The following OXNAD1 variants were observed in gnomAD, a reference collection of about 807,000 sequenced individuals.
The protein encoded by OXNAD1 is oxidoreductase NAD-binding domain-containing protein 1.
A neutral mutation model predicts 32.9 loss-of-function variants in OXNAD1; 34 were observed. The observed-to-expected ratio is 1.03, with a 90% CI of 0.79 to 1.38. OXNAD1 has a LOEUF of 1.38. OXNAD1 is among the 40% of genes most tolerant of loss of function. The pLI is 0.00. For missense variants in OXNAD1, 407 were observed against 379.4 expected, an observed-to-expected ratio of 1.07 and a Z score of -0.60; for synonymous variants, 134 against 135.2, an observed-to-expected ratio of 0.99 and a Z score of 0.06.
At chr3:16,306,374 C>G (rs539592022), downstream of OXNAD1, among the ~76,000 whole-genome samples, 1 of 152,114 alleles carries the variant, frequency 6.6e-6, no homozygotes, top group Non-Finnish European at 1.5e-5. Flanking sequence ...TATCGTGTCA[C>G]TTCTAAATTC....
chr3:16,326,592 T>A (rs954841145), intron 9 of OXNAD1, among the ~76,000 whole-genome samples: 1 of 152,170 alleles, frequency 6.6e-6, no homozygotes. Flanking sequence ...GGGAGTTCTC[T>A]GGGTGACGGT....
chr3:16,286,508 G>A, intron 5 of OXNAD1, 60 bp downstream of exon 5: 2 of 1,400,662 alleles, frequency 1.4e-6, no homozygotes, highest in Non-Finnish European at 2.0e-6. Flanking sequence ...CAGATAGAAG[G>A]TATTATTTTT....
Position 16,321,141 on chromosome 3 carries a change from T to TG in OXNAD1, c.*31-15969dup, listed in dbSNP as rs1387554821. 3.3e-5 allele frequency among the ~76,000 whole-genome samples: 5 copies of TG among 151,622 alleles called. No individual in the cohort carries two copies. Among genetic ancestry groups the TG allele is most frequent in the Middle Eastern group, 3.5e-3 (1 of 288 alleles). On this transcript the variant is annotated intron_variant, in intron 9 of 9. Coordinates refer to the OXNAD1 transcript ENST00000435829. This position sits in a 1 kb window ranked among gnomAD's most constrained non-coding sequence, Gnocchi z 4.8. ...TGCAATGCCATTCCTCTAGATAGGG[T>TG]GGCGGTTGGCCAGGTGGGCGAGGTA... is the stretch of plus-strand genomic sequence containing the variant.
Position 16,320,731 on chromosome 3 carries a change from G to A in OXNAD1, c.*31-16381G>A, listed in dbSNP as rs1017982647. On this transcript the variant is annotated intron_variant, in intron 9 of 9. Transcript: ENST00000435829. The surrounding 1 kb of genome is among the most constrained non-coding windows in gnomAD (Gnocchi z 4.5). ...AGAATGTCCTTGGCAGAGGGGACAC[G>A]GAAGAACTGGAGGCCACAGAGGAGC... is the stretch of plus-strand genomic sequence containing the variant. 2.0e-5 allele frequency among the ~76,000 whole-genome samples: 3 copies of A among 152,226 alleles called. No individual in the cohort carries two copies. Among genetic ancestry groups the A allele is most frequent in the Non-Finnish European group, 4.4e-5 (3 of 68,038 alleles).
downstream of OXNAD1, among the ~76,000 whole-genome samples, chr3:16,308,374 G>A (rs547426331): frequency 1.3e-4 from 20 of 152,206 alleles, no homozygotes; most frequent in South Asian, 4.1e-3. The surrounding 1 kb of genome is among the most constrained non-coding windows in gnomAD (Gnocchi z 4.4). Context: ...TAGGAGGATT[G>A]TTATATGGGA....
intron 4 of OXNAD1, chr3:16,276,749 C>T (rs1329372550): frequency 6.6e-6 from 1 of 151,952 alleles, no homozygotes. Flanking sequence ...ATTATTGGGA[C>T]TTTTGGGGGT....
intron 6 of OXNAD1, among the ~76,000 whole-genome samples, chr3:16,295,501 A>C (rs1166896429): frequency 6.6e-6 from 1 of 152,162 alleles, no homozygotes; most frequent in East Asian, 1.9e-4. Flanking sequence ...GAGAGAATCC[A>C]ATTTGATTGC....
rs116560139 is a variant in OXNAD1 at position 16,319,244 on chromosome 3, G to A, written c.*30+15652G>A. On this transcript the variant is annotated intron_variant, in intron 9 of 9. Coordinates refer to the OXNAD1 transcript ENST00000435829. ...GCCTACCTGTGTAGTATAGTACTCCGAGAGGCAGTTGGCTCTCAGGGAAGT... is the reference window on the plus strand; with the variant it reads ...GCCTACCTGTGTAGTATAGTACTCCAAGAGGCAGTTGGCTCTCAGGGAAGT... Among the ~76,000 whole-genome samples the A allele has an allele frequency of 6.5e-3, 996 of 152,238 alleles. 7 individuals are homozygous for A. The highest frequency in any genetic ancestry group is 0.027 in the Middle Eastern group (8 of 294).
Position 16,280,917 on chromosome 3 carries a change from C to T in OXNAD1, c.184-5425C>T, listed in dbSNP as rs2065693497. 6.6e-6 allele frequency among the ~76,000 whole-genome samples: 1 copy of T among 152,192 alleles called. No individual in the cohort carries two copies. The highest frequency in any genetic ancestry group is 2.1e-4 in the South Asian group (1 of 4,828). On this transcript the variant is annotated intron_variant, in intron 4 of 8. Coordinates refer to ENST00000285083, the MANE Select transcript of OXNAD1 (RefSeq NM_138381.5). This position sits in a 1 kb window ranked among gnomAD's most constrained non-coding sequence, Gnocchi z 4.5. ...ATAAATGTTGTTTTATGGAAAACTTCATTTCCTGCCATGTGTTTTAACTTA... is the reference window on the plus strand; with the variant it reads ...ATAAATGTTGTTTTATGGAAAACTTTATTTCCTGCCATGTGTTTTAACTTA...
Position 16,271,039 on chromosome 3 carries a change from A to C in OXNAD1, c.87A>C (p.Thr29=). 6.2e-7 allele frequency: 1 copy of C among 1,614,114 alleles called. No homozygotes were observed. Among genetic ancestry groups the C allele is most frequent in the East Asian group, 2.2e-5 (1 of 44,882 alleles). ...IRIEAASLRL[T]LSTLRHLTLT... ...TTGAGGCTGCGTCACTGAGATTGACACTCAGCACTTTGCGCCACCTTACTC... is the reference window on the plus strand; with the variant it reads ...TTGAGGCTGCGTCACTGAGATTGACCCTCAGCACTTTGCGCCACCTTACTC... Residue 29 remains threonine (T), a synonymous_variant, in exon 3 of 9, where the codon ACA becomes ACC. Coordinates refer to ENST00000285083, the MANE Select transcript of OXNAD1 (RefSeq NM_138381.5). The surrounding 1 kb of genome is among the most constrained non-coding windows in gnomAD (Gnocchi z 4.6).
Position 16,317,040 on chromosome 3 carries a change from T to G in OXNAD1, c.*30+13448T>G, listed in dbSNP as rs2068474884. ...CCCTTGTCCTCTTGGACAGGGCCCTTCATCTCCTCGGAGACTCCACCCTCC... is the reference window on the plus strand; with the variant it reads ...CCCTTGTCCTCTTGGACAGGGCCCTGCATCTCCTCGGAGACTCCACCCTCC... On this transcript the variant is annotated intron_variant, in intron 9 of 9. Transcript: ENST00000435829. The surrounding 1 kb of genome is among the most constrained non-coding windows in gnomAD (Gnocchi z 4.3). 4 of 1,613,754 alleles carry G rather than the reference T, an allele frequency of 2.5e-6. No homozygotes were observed. Among genetic ancestry groups the G allele is most frequent in the Non-Finnish European group, 3.4e-6 (4 of 1,179,924 alleles).
Position 16,277,221 on chromosome 3 carries a change from C to T in OXNAD1, c.183+5499C>T, listed in dbSNP as rs1320930641. On this transcript the variant is annotated intron_variant, in intron 4 of 8. Coordinates refer to ENST00000285083, the MANE Select transcript of OXNAD1 (RefSeq NM_138381.5). The surrounding 1 kb of genome is among the most constrained non-coding windows in gnomAD (Gnocchi z 4.3). Reference sequence around the variant, plus strand: ...GGATTACAGGCATGAGCCACAGCTCCTGGCCCTCCTCTTCTGTTTCTAATT... The same window carrying T: ...GGATTACAGGCATGAGCCACAGCTCTTGGCCCTCCTCTTCTGTTTCTAATT... 6.6e-6 allele frequency among the ~76,000 whole-genome samples: 1 copy of T among 152,150 alleles called. No individual in the cohort carries two copies. The highest frequency in any genetic ancestry group is 2.4e-5 in the African/African-American group (1 of 41,436).
chr3:16,321,102 G>A lies in OXNAD1; in HGVS notation c.*31-16010G>A, dbSNP rs916628619. Among the ~76,000 whole-genome samples, 1 of 152,122 alleles carries A rather than the reference G, an allele frequency of 6.6e-6. No homozygotes were observed. Among genetic ancestry groups the A allele is most frequent in the Admixed American group, 6.5e-5 (1 of 15,270 alleles). On this transcript the variant is annotated intron_variant, in intron 9 of 9. Coordinates refer to the OXNAD1 transcript ENST00000435829. The surrounding 1 kb of genome is among the most constrained non-coding windows in gnomAD (Gnocchi z 4.8). Reference sequence around the variant, plus strand: ...GGAAGGAGAGGGGAGGGTCAGCAGGGATAGCCCCTAAGGTGCAATGCCATT... The same window carrying A: ...GGAAGGAGAGGGGAGGGTCAGCAGGAATAGCCCCTAAGGTGCAATGCCATT...
rs1192602111 is a variant in OXNAD1, at chr3:16,326,852, C to T, written c.*31-10260C>T. ...GCCGCCAGCGAGTTCAGCAGGGGCA[C>T]GTAGTCTGTCTGCACTTCGACACCC... On this transcript the variant is annotated intron_variant, in intron 9 of 9. Coordinates refer to the OXNAD1 transcript ENST00000435829. 7 of 1,614,002 alleles carry T rather than the reference C, an allele frequency of 4.3e-6. No individual in the cohort carries two copies. Among genetic ancestry groups the T allele is most frequent in the South Asian group, 2.2e-5 (2 of 91,058 alleles).
In OXNAD1 at chr3:16,322,662, C is replaced by G. The variant is rs757929709; in HGVS notation, c.*31-14450C>G. Among the ~76,000 whole-genome samples the G allele has an allele frequency of 9.2e-5, 14 of 152,250 alleles. No homozygotes were observed. The highest frequency in any genetic ancestry group is 4.6e-4 in the Admixed American group (7 of 15,288). On this transcript the variant is annotated intron_variant, in intron 9 of 9. Coordinates refer to the OXNAD1 transcript ENST00000435829. The surrounding 1 kb of genome is among the most constrained non-coding windows in gnomAD (Gnocchi z 6.2). ...GTGGGGTGGGAAGCATCAGAATCAT[C>G]TGGCACAAGGGTTGCCGACACTTGC...
chr3:16,336,379 G>A lies in OXNAD1; in HGVS notation c.*31-733G>A, dbSNP rs1285145914. Among the ~76,000 whole-genome samples the A allele has an allele frequency of 6.6e-6, 1 of 152,188 alleles. No homozygotes were observed. Among genetic ancestry groups the A allele is most frequent in the African/African-American group, 2.4e-5 (1 of 41,456 alleles). On this transcript the variant is annotated intron_variant, in intron 9 of 9. Transcript: ENST00000435829. This position sits in a 1 kb window ranked among gnomAD's most constrained non-coding sequence, Gnocchi z 6.0. ...CCAGTGGAGCCCATGGAGGTGAGGTGGAGGGAGGGAGAAGGGAAGGGGCGA... is the reference window on the plus strand; with the variant it reads ...CCAGTGGAGCCCATGGAGGTGAGGTAGAGGGAGGGAGAAGGGAAGGGGCGA...
chr3:16,283,860 A>G (rs1258377901), intron 4 of OXNAD1, among the ~76,000 whole-genome samples: 1 of 151,836 alleles, frequency 6.6e-6, no homozygotes. Context: ...ATCAGTGTGG[A>G]AAATACCAAA....
At position 16,344,936 on chromosome 3, in the gene OXNAD1, C is replaced by T. The variant is rs1165991226; in HGVS notation, c.*31-4240C>T. Reference sequence around the variant, plus strand: ...CAGTTCTCTCTGGAGAACCATTTGCCCTCTCTTCATCTGTGGCTCTCAAAC... The same window carrying T: ...CAGTTCTCTCTGGAGAACCATTTGCTCTCTCTTCATCTGTGGCTCTCAAAC... On this transcript the variant is annotated intron_variant, in intron 9 of 9. Coordinates refer to the OXNAD1 transcript ENST00000606098. The surrounding 1 kb of genome is among the most constrained non-coding windows in gnomAD (Gnocchi z 4.4). Among the ~76,000 whole-genome samples, 2 of 152,122 alleles carry T rather than the reference C, an allele frequency of 1.3e-5. No individual in the cohort carries two copies. Among genetic ancestry groups the T allele is most frequent in the South Asian group, 2.1e-4 (1 of 4,826 alleles).
chr3:16,265,231 C>G lies in OXNAD1; in HGVS notation c.-433C>G, dbSNP rs2064401541. 7.4e-6 allele frequency: 2 copies of G among 272,104 alleles called. No individual in the cohort carries two copies. Among genetic ancestry groups the G allele is most frequent in the Admixed American group, 4.9e-5 (1 of 20,354 alleles). The allele number at this position is 272,104 out of a possible 1,614,324, so 16.9% of individuals were successfully genotyped here. A position where few individuals can be genotyped will look rare whatever the true frequency, so the allele number is the denominator to read the frequency against. Reference sequence around the variant, plus strand: ...CGCGGAGTATTCCAGGCGCCTGCAACTAAACGTGGCCGGGTCTGCAAGCTA... The same window carrying G: ...CGCGGAGTATTCCAGGCGCCTGCAAGTAAACGTGGCCGGGTCTGCAAGCTA... On this transcript the variant is annotated 5_prime_UTR_variant, in exon 1 of 9. Transcript: ENST00000285083. This position sits in a 1 kb window ranked among gnomAD's most constrained non-coding sequence, Gnocchi z 4.8.
Sources: gnomAD v4.1 joint callset for allele counts (sites outside exome capture counted in the v4.1 genomes callset) on GRCh38, gnomAD v4.1.1 for gene constraint, Gnocchi (gnomAD v3.1) non-coding constraint, MANE v1.5 for transcripts, NCBI Gene and HGNC (gene_info 2026-07-23, HGNC 2026-07-21) for gene names.